Variants in NT5DC1 observed in about 807,000 individuals in gnomAD.
NT5DC1 encodes 5'-nucleotidase domain containing 1.
A neutral mutation model predicts 59.4 loss-of-function variants in NT5DC1; 42 were observed. The ratio of observed to expected loss-of-function variants is 0.71; its 90% confidence interval spans 0.55 to 0.92. The LOEUF is 0.92. Ranked by LOEUF, NT5DC1 falls within the 40% of genes least tolerant of loss-of-function variation. NT5DC1 has a pLI of 0.00. For missense variants in NT5DC1, 501 were observed against 537.1 expected (o/e 0.93, Z 0.66); for synonymous variants, 172 against 188.1 (o/e 0.91, Z 0.70).
intron 6 of NT5DC1, among the ~76,000 whole-genome samples, chr6:116,185,405 A>T (rs1432596367): frequency 1.8e-4 from 27 of 151,982 alleles, no homozygotes; most frequent in Admixed American, 1.8e-3. Context: ...GTTTAAGTCC[A>T]TTGTTTCTTT....
At position 116,100,867 on chromosome 6, in the gene NT5DC1, T is replaced by TC; in HGVS notation, c.-61dup. 7.7e-7 allele frequency: 1 copy of TC among 1,300,270 alleles called. No homozygotes were observed. The allele number at this position is 1,300,270 out of a possible 1,614,324, so 80.5% of individuals were successfully genotyped here. A position where few individuals can be genotyped will look rare whatever the true frequency, so the allele number is the denominator to read the frequency against. ...TCCGGCCCGGTCCTGTCCCGCAGCG[T>TC]CCCGCCAGCCAGCTCCTTGCACCCT... On this transcript the variant is annotated 5_prime_UTR_variant, in exon 1 of 12. Coordinates refer to ENST00000319550, the MANE Select transcript of NT5DC1 (RefSeq NM_152729.3).
chr6:116,104,625 T>C (rs1778734069), intron 1 of NT5DC1, among the ~76,000 whole-genome samples: 1 of 152,190 alleles, frequency 6.6e-6, no homozygotes, highest in Non-Finnish European at 1.5e-5. Context: ...TTTTGTTTTC[T>C]GTTTTTTTGT....
In NT5DC1 at chr6:116,133,459, G is replaced by A. The variant is rs138222171; in HGVS notation, c.529+15514G>A. On this transcript the variant is annotated intron_variant, in intron 6 of 11. Coordinates refer to ENST00000319550, the MANE Select transcript of NT5DC1 (RefSeq NM_152729.3). ...AACAACTCCACAGTCACCATCTATA[G>A]TGTACAAAGTAAAGTACTTGTAGGG... 3.9e-3 allele frequency among the ~76,000 whole-genome samples: 597 copies of A among 152,230 alleles called. 3 individuals are homozygous for A. Among genetic ancestry groups the A allele is most frequent in the Admixed American group, 6.4e-3 (98 of 15,284 alleles).
chr6:116,154,109 T>C (rs1780121443), intron 6 of NT5DC1, among the ~76,000 whole-genome samples: 1 of 151,496 alleles, frequency 6.6e-6, no homozygotes, highest in Non-Finnish European at 1.5e-5. Context: ...AAAACATGGC[T>C]CTCAAATCAG....
chr6:116,116,657 AT>A (rs1344932231), intron 5 of NT5DC1, among the ~76,000 whole-genome samples: 2 of 151,892 alleles, frequency 1.3e-5, no homozygotes, highest in African/African-American at 2.4e-5. Flanking sequence ...AATAATAATA[AT>A]TACTATCATT....
chr6:116,199,390 A>T (rs1329583299), intron 6 of NT5DC1, among the ~76,000 whole-genome samples: 2 of 152,236 alleles, frequency 1.3e-5, no homozygotes, highest in East Asian at 3.9e-4. Context: ...GTTTTATTCC[A>T]ACACTGCTAT....
chr6:116,239,006 T>C lies in NT5DC1; in HGVS notation c.1135T>C (p.Phe379Leu). 1 of 1,609,992 alleles carries C rather than the reference T, an allele frequency of 6.2e-7. No homozygotes were observed. Among genetic ancestry groups the C allele is most frequent in the Non-Finnish European group, 8.5e-7 (1 of 1,176,488 alleles). The change falls in exon 11 of 12, where the codon TTT (phenylalanine) becomes CTT (leucine). Residue 379 changes from phenylalanine (F) to leucine (L), a missense_variant. Phe to Leu is a conservative substitution (Grantham distance 22, BLOSUM62 0). Coordinates refer to ENST00000319550, the MANE Select transcript of NT5DC1 (RefSeq NM_152729.3). ...NTSSKKWGSFFIDSVLGLENT... is the reference protein window; with the variant it reads ...NTSSKKWGSFLIDSVLGLENT... The stretch of plus-strand genomic sequence containing the variant: ...TTCATCTAAAAAATGGGGCTCTTTT[T>C]TTATTGATTCAGTTTTGGGACTGGA...
At chr6:116,237,612 C>G (rs1321398956) in intron 9 of NT5DC1, 1 of 426,006 alleles carries the variant, frequency 2.3e-6, no homozygotes, top group Non-Finnish European at 4.7e-6. Context: ...TATCCCTTAA[C>G]TCTGTTTTCA....
chr6:116,227,882 G>A (rs1384985717), intron 8 of NT5DC1, among the ~76,000 whole-genome samples: 3 of 152,032 alleles, frequency 2.0e-5, no homozygotes, highest in Non-Finnish European at 2.9e-5. Context: ...TGTATGGTTT[G>A]CAAATATTTT....
At chr6:116,189,221 T>G (rs1781068021) in intron 6 of NT5DC1, among the ~76,000 whole-genome samples, 1 of 151,910 alleles carries the variant, frequency 6.6e-6, no homozygotes, top group Non-Finnish European at 1.5e-5. Context: ...AATAAAAGTT[T>G]TACTTCTATT....
chr6:116,161,856 A>G (rs968002246), intron 6 of NT5DC1, among the ~76,000 whole-genome samples: 1 of 152,234 alleles, frequency 6.6e-6, no homozygotes, highest in Non-Finnish European at 1.5e-5. Flanking sequence ...CTTCCTGCCC[A>G]TGAGCAAGGG....
intron 6 of NT5DC1, among the ~76,000 whole-genome samples, chr6:116,189,545 G>T (rs1781074485): frequency 6.6e-6 from 1 of 151,948 alleles, no homozygotes; most frequent in African/African-American, 2.4e-5. Flanking sequence ...AAACGAATGA[G>T]TATTGGATGA....
At chr6:116,129,253 A>T (rs1197618275) in intron 6 of NT5DC1, among the ~76,000 whole-genome samples, 1 of 152,234 alleles carries the variant, frequency 6.6e-6, no homozygotes, top group Non-Finnish European at 1.5e-5. Flanking sequence ...TGTCTATATT[A>T]TATAGAAACA....
At chr6:116,140,943 T>G (rs1008630350) in intron 6 of NT5DC1, among the ~76,000 whole-genome samples, 1 of 152,170 alleles carries the variant, frequency 6.6e-6, no homozygotes, top group African/African-American at 2.4e-5. Flanking sequence ...GTTTCCTGGC[T>G]GCATGCAAAA....
chr6:116,148,782 T>C (rs1779960848), intron 6 of NT5DC1, among the ~76,000 whole-genome samples: 1 of 152,158 alleles, frequency 6.6e-6, no homozygotes, highest in African/African-American at 2.4e-5. Context: ...GTGTACTGAC[T>C]TTTTAAACCC....
chr6:116,157,210 A>T (rs949564653), intron 6 of NT5DC1, among the ~76,000 whole-genome samples: 3 of 152,178 alleles, frequency 2.0e-5, no homozygotes, highest in African/African-American at 7.2e-5. Context: ...TTTCATTATT[A>T]ATTTGGTTTA....
chr6:116,144,139 G>A (rs528153558), intron 6 of NT5DC1, among the ~76,000 whole-genome samples: 1 of 152,060 alleles, frequency 6.6e-6, no homozygotes, highest in Non-Finnish European at 1.5e-5. Flanking sequence ...GATATTCTGG[G>A]GATTTATGTA....
At chr6:116,217,377 G>A (rs907781085) in intron 6 of NT5DC1, among the ~76,000 whole-genome samples, 21 of 152,048 alleles carry the variant, frequency 1.4e-4, no homozygotes, top group African/African-American at 2.2e-4. Context: ...TCTGGACCTA[G>A]AAAATATCAG....
intron 1 of NT5DC1, among the ~76,000 whole-genome samples, chr6:116,103,415 A>C (rs1778702808): frequency 6.6e-6 from 1 of 152,002 alleles, no homozygotes; most frequent in South Asian, 2.1e-4. Context: ...CAACTAAGCG[A>C]GGTAGTCCGG....
Sources: allele counts gnomAD v4.1 joint callset (sites outside exome capture counted in the v4.1 genomes callset), GRCh38; gene constraint gnomAD v4.1.1; transcripts MANE v1.5; gene names NCBI Gene and HGNC (gene_info 2026-07-23, HGNC 2026-07-21).